The following UMAD1 variants were observed in gnomAD, a reference collection of about 807,000 sequenced individuals.
The protein encoded by UMAD1 is UBAP1-MVB12-associated (UMA) domain containing 1, also known as UBAP1-MVB12-associated (UMA)-domain containing protein 1.
In UMAD1, 8 loss-of-function variants were observed where a neutral mutation model predicts 6.1. The ratio of observed to expected loss-of-function variants is 1.30; its 90% CI spans 0.76 to 2.35. UMAD1 has a LOEUF of 2.35. Ranked by LOEUF, UMAD1 falls within the 30% of genes most tolerant of loss-of-function variation. UMAD1 has a pLI of 0.00. For synonymous variants in UMAD1, 56 were observed against 31.4 expected, an observed-to-expected ratio of 1.78 and a Z score of -2.61; for missense variants, 130 against 78.4, an observed-to-expected ratio of 1.66 and a Z score of -2.49.
At chr7:7,726,095 G>T (rs1319669017) in intron 2 of UMAD1, among the ~76,000 whole-genome samples, 3 of 152,248 alleles carry the variant, frequency 2.0e-5, no homozygotes, top group Non-Finnish European at 4.4e-5. Context: ...TGGATGGTCA[G>T]GGACTTGGAA....
chr7:7,691,702 T>C (rs1780176189), intron 2 of UMAD1, among the ~76,000 whole-genome samples: 1 of 152,230 alleles, frequency 6.6e-6, no homozygotes, highest in Non-Finnish European at 1.5e-5. Flanking sequence ...TGACCCTTTT[T>C]TGTTCTATGT....
At chr7:7,751,892 C>T (rs1449474254) in intron 2 of UMAD1, among the ~76,000 whole-genome samples, 1 of 152,144 alleles carries the variant, frequency 6.6e-6, no homozygotes, top group African/African-American at 2.4e-5. Context: ...TCTGACGGTC[C>T]TTCTATCACA....
chr7:7,870,256 A>G (rs896071688), intron 3 of UMAD1, among the ~76,000 whole-genome samples: 1 of 152,228 alleles, frequency 6.6e-6, no homozygotes, highest in Admixed American at 6.5e-5. Context: ...CGGTATGCTC[A>G]TATTTAAACT....
At chr7:7,748,965 C>G (rs1216321585) in intron 2 of UMAD1, among the ~76,000 whole-genome samples, 1 of 152,054 alleles carries the variant, frequency 6.6e-6, no homozygotes, top group Non-Finnish European at 1.5e-5. Flanking sequence ...TAGAGATATC[C>G]TATTACACAT....
At chr7:7,648,646 T>C (rs778408641) in intron 1 of UMAD1, among the ~76,000 whole-genome samples, 112 of 150,786 alleles carry the variant, frequency 7.4e-4, no homozygotes, top group Non-Finnish European at 7.1e-4. Context: ...AATTCAGGAG[T>C]TCGAGACAAG....
rs1784369973 is a variant in UMAD1 at position 7,873,838 on chromosome 7, G to A, written c.157-3443G>A. 2.0e-5 allele frequency among the ~76,000 whole-genome samples: 3 copies of A among 152,008 alleles called. No homozygotes were observed. The East Asian group carries it at 5.8e-4, about 29-fold the overall frequency. The stretch of plus-strand genomic sequence containing the variant: ...ACAAAAATCAAAAGAAACTTTTCTT[G>A]ACTACACATCCCTTTTTAACTACTG... On this transcript the variant is annotated intron_variant, in intron 3 of 3. Coordinates refer to ENST00000682710, the MANE Select transcript of UMAD1 (RefSeq NM_001302348.2).
intron 2 of UMAD1, among the ~76,000 whole-genome samples, chr7:7,792,444 A>T (rs1044394717): frequency 6.6e-6 from 1 of 152,220 alleles, no homozygotes; most frequent in African/African-American, 2.4e-5. Context: ...AAAAAGTAGG[A>T]GGGGAAACTA....
intron 3 of UMAD1, among the ~76,000 whole-genome samples, chr7:7,875,263 C>T (rs540430609): frequency 5.9e-5 from 9 of 152,266 alleles, no homozygotes; most frequent in Middle Eastern, 3.4e-3. Context: ...CGACATCTAA[C>T]ATAACAATTA....
chr7:7,860,871 G>A (rs890942612), intron 3 of UMAD1, among the ~76,000 whole-genome samples: 1 of 151,896 alleles, frequency 6.6e-6, no homozygotes, highest in African/African-American at 2.4e-5. Context: ...GTAGATAAAT[G>A]AATAAACAAA....
chr7:7,802,022 G>A (rs890605520), intron 3 of UMAD1, among the ~76,000 whole-genome samples: 7 of 152,226 alleles, frequency 4.6e-5, no homozygotes, highest in Non-Finnish European at 7.3e-5. Flanking sequence ...TTTTAATTGA[G>A]TGATTATGTA....
At chr7:7,694,256 T>G (rs1442832963) in intron 2 of UMAD1, among the ~76,000 whole-genome samples, 1 of 152,134 alleles carries the variant, frequency 6.6e-6, no homozygotes. Flanking sequence ...TATGAGTATA[T>G]AGTAGGTATA....
intron 3 of UMAD1, among the ~76,000 whole-genome samples, chr7:7,812,348 C>T (rs1045366115): frequency 6.6e-6 from 1 of 152,190 alleles, no homozygotes; most frequent in Non-Finnish European, 1.5e-5. Flanking sequence ...AACCCGCTAA[C>T]CTGCTGCTTT....
intron 2 of UMAD1, among the ~76,000 whole-genome samples, chr7:7,764,342 T>G (rs1176543231): frequency 6.6e-6 from 1 of 152,208 alleles, no homozygotes; most frequent in Non-Finnish European, 1.5e-5. Flanking sequence ...AAGCTGCAGT[T>G]CTTAGAATAG....
intron 1 of UMAD1, among the ~76,000 whole-genome samples, chr7:7,652,269 T>C (rs897289679): frequency 6.6e-6 from 1 of 152,230 alleles, no homozygotes; most frequent in Admixed American, 6.5e-5. Flanking sequence ...AGCAGTATAC[T>C]CTTGGTCGAT....
chr7:7,698,035 T>C (rs1292488929), intron 2 of UMAD1, among the ~76,000 whole-genome samples: 1 of 152,180 alleles, frequency 6.6e-6, no homozygotes, highest in East Asian at 1.9e-4. Flanking sequence ...TTCTTTTAAT[T>C]AGAAATAGAG....
intron 2 of UMAD1, among the ~76,000 whole-genome samples, chr7:7,757,151 A>G (rs1003361334): frequency 1.3e-5 from 2 of 152,230 alleles, no homozygotes; most frequent in Non-Finnish European, 2.9e-5. Flanking sequence ...TCCATTCATA[A>G]GCAACTATCA....
At chr7:7,720,831 G>T (rs1271467239) in intron 2 of UMAD1, among the ~76,000 whole-genome samples, 2 of 152,048 alleles carry the variant, frequency 1.3e-5, no homozygotes, top group Non-Finnish European at 2.9e-5. Flanking sequence ...GTTGAATTCT[G>T]TCCCCCCAAA....
intron 1 of UMAD1, among the ~76,000 whole-genome samples, chr7:7,663,298 C>CTTTG (rs59932473): frequency 6.6e-6 from 1 of 151,442 alleles, no homozygotes; most frequent in Non-Finnish European, 1.5e-5. Flanking sequence ...CTTTGTTTTT[C>CTTTG]TTTCATTTTT....
intron 1 of UMAD1, among the ~76,000 whole-genome samples, chr7:7,649,886 C>G (rs191060442): frequency 2.0e-5 from 3 of 152,292 alleles, no homozygotes; most frequent in Non-Finnish European, 1.5e-5. Context: ...CTCCTTCAAC[C>G]ATATGAAATT....
Sources: allele counts gnomAD v4.1 joint callset (sites outside exome capture counted in the v4.1 genomes callset), GRCh38; gene constraint gnomAD v4.1.1; transcripts MANE v1.5; gene names NCBI Gene and HGNC (gene_info 2026-07-23, HGNC 2026-07-21).